The following GRAMD1B variants were observed in gnomAD, a reference collection of about 807,000 sequenced individuals.
GRAMD1B encodes the protein GRAM domain containing 1B.
A neutral mutation model predicts 99.7 loss-of-function variants in GRAMD1B; 37 were observed. The ratio of observed to expected loss-of-function variants is 0.37; its 90% CI spans 0.29 to 0.49. GRAMD1B has a LOEUF of 0.49. Among genes scored for constraint, GRAMD1B ranks in the 20% least tolerant of loss-of-function variants. The pLI, the probability that GRAMD1B is intolerant of heterozygous loss-of-function variation, is 0.98. For missense variants in GRAMD1B, 888 were observed against 1,009.2 expected (o/e 0.88, Z 1.63); for synonymous variants, 427 against 387.6 (o/e 1.10, Z -1.19).
intron 1 of GRAMD1B, among the ~76,000 whole-genome samples, chr11:123,479,162 C>T (rs1049394635): frequency 2.6e-5 from 4 of 152,178 alleles, no homozygotes; most frequent in African/African-American, 7.2e-5. Context: ...TGAGTTCTGC[C>T]GAGCAGCCGG....
chr11:123,385,752 T>C (rs1947033271), intron 1 of GRAMD1B, among the ~76,000 whole-genome samples: 1 of 152,208 alleles, frequency 6.6e-6, no homozygotes, highest in Non-Finnish European at 1.5e-5. Context: ...TCATAGATTG[T>C]TGTTTGTGGA....
At chr11:123,366,101 C>G (rs1056212969) in intron 1 of GRAMD1B, among the ~76,000 whole-genome samples, 3 of 152,192 alleles carry the variant, frequency 2.0e-5, no homozygotes, top group African/African-American at 7.2e-5. Flanking sequence ...TCTATTTGAA[C>G]TCAGTTGGCA....
rs190223712 is a variant in GRAMD1B, at chr11:123,560,624, T to C, written c.453-16743T>C. 7.2e-4 allele frequency: 354 copies of C among 488,544 alleles called. No homozygotes were observed. In the East Asian group the frequency reaches 0.021, roughly 29 times the overall value. The allele number at this position is 488,544 out of a possible 1,614,324, so 30.3% of individuals were successfully genotyped here. A position where few individuals can be genotyped will look rare whatever the true frequency, so the allele number is the denominator to read the frequency against. Reference sequence around the variant, plus strand: ...ATGAGTTCCTCTCTGCACTGCACTCTGCTACTGTTCCTACCTAATGGCTTC... The same window carrying C: ...ATGAGTTCCTCTCTGCACTGCACTCCGCTACTGTTCCTACCTAATGGCTTC... On this transcript the variant is annotated intron_variant, in intron 2 of 19. Transcript: ENST00000635736.
chr11:123,456,911 C>A lies in GRAMD1B; in HGVS notation c.375-23905C>A, dbSNP rs1467984468. On this transcript the variant is annotated intron_variant, in intron 1 of 19. Transcript: ENST00000635736. ...CTCCAGCCTGGGCGACAGAGGGAGA[C>A]TCTGTCTCAAAAAAAAAAAAAAAAA... 3.2e-5 allele frequency among the ~76,000 whole-genome samples: 4 copies of A among 123,578 alleles called. No homozygotes were observed. In the Admixed American group the frequency reaches 3.7e-4, roughly 11 times the overall value. The allele number at this position is 123,578 out of a possible 152,430, so 81.1% of individuals were successfully genotyped here.
At chr11:123,500,734 G>A (rs556442451) in intron 2 of GRAMD1B, among the ~76,000 whole-genome samples, 24 of 151,584 alleles carry the variant, frequency 1.6e-4, no homozygotes, top group South Asian at 4.2e-4. Flanking sequence ...GTGCAGTGGC[G>A]CGATCGCGGC....
intron 2 of GRAMD1B, among the ~76,000 whole-genome samples, chr11:123,511,620 G>A (rs944339966): frequency 1.3e-5 from 2 of 152,176 alleles, no homozygotes; most frequent in African/African-American, 4.8e-5. Context: ...GAATATCTCA[G>A]CCCTTCATTT....
chr11:123,369,619 C>A (rs1030157056), intron 1 of GRAMD1B, among the ~76,000 whole-genome samples: 1 of 152,018 alleles, frequency 6.6e-6, no homozygotes, highest in East Asian at 1.9e-4. Flanking sequence ...TGCCTGCCAT[C>A]CCAGCAATTT....
In GRAMD1B at chr11:123,625,762, G is replaced by A. The variant is rs975343675; in HGVS notation, c.*3167G>A. On this transcript the variant is annotated 3_prime_UTR_variant, in exon 20 of 20. Transcript: ENST00000635736. ...ACATCATCTTGGGGGTTAGGCCAGA[G>A]GCTGGGAAGACTGGGTGGACTTTCT... is the stretch of plus-strand genomic sequence containing the variant. 1.3e-5 allele frequency: 2 copies of A among 152,412 alleles called. No homozygotes were observed. The highest frequency in any genetic ancestry group is 4.8e-5 in the African/African-American group (2 of 41,452). 9.4% of individuals were successfully genotyped at this position (152,412 alleles called of 1,614,324 possible).
chr11:123,466,304 G>T (rs1361325811), intron 1 of GRAMD1B, among the ~76,000 whole-genome samples: 1 of 139,642 alleles, frequency 7.2e-6, no homozygotes, highest in Non-Finnish European at 1.5e-5. Flanking sequence ...GAAAGAAAGA[G>T]AGAGAGAGAA....
intron 2 of GRAMD1B, among the ~76,000 whole-genome samples, chr11:123,576,371 T>C (rs946035073): frequency 4.6e-5 from 7 of 152,282 alleles, no homozygotes; most frequent in African/African-American, 1.4e-4. Flanking sequence ...CACATTTCCT[T>C]TCCTTCCCAT....
In GRAMD1B at chr11:123,608,719, A is replaced by G. The variant is rs770386203; in HGVS notation, c.1574A>G (p.Asn525Ser). 2 of 1,558,810 alleles carry G rather than the reference A, an allele frequency of 1.3e-6. No individual in the cohort carries two copies. Among genetic ancestry groups the G allele is most frequent in the Non-Finnish European group, 8.7e-7 (1 of 1,150,484 alleles). The change falls in exon 12 of 20, where the codon AAC becomes AGC. Residue 525 changes from asparagine (N) to serine (S), a missense_variant. This residue lies in a region of GRAMD1B where 269 missense variants were observed against 296.6 expected (regional missense o/e 0.91). Coordinates refer to ENST00000635736, the MANE Select transcript of GRAMD1B (RefSeq NM_001387025.1). ...SGRQYVNEVF[N>S]FSVDKLYDLL... ...CGGCAGTACGTGAATGAAGTCTTCA[A>G]CTTCAGCGTGGACAAGCTCTATGAC...
chr11:123,560,571 C>T (rs1946627980), intron 2 of GRAMD1B: 4 of 697,726 alleles, frequency 5.7e-6, no homozygotes, highest in Middle Eastern at 3.4e-4. Flanking sequence ...TCCCCGCCCC[C>T]GCCCCCCACT....
At position 123,406,421 on chromosome 11, in the gene GRAMD1B, T is replaced by A. The variant is rs181563569; in HGVS notation, c.-176+47622T>A. Among the ~76,000 whole-genome samples the A allele has an allele frequency of 2.2e-3, 331 of 152,222 alleles. 1 individual carries two copies. The highest frequency in any genetic ancestry group is 7.8e-3 in the African/African-American group (324 of 41,546). On this transcript the variant is annotated intron_variant, in intron 1 of 20. Transcript: ENST00000638157. ...GGCATGTGCCACCACACCCAGCTAA[T>A]GTTGGTATTTTTAGTAGAGACGGGG... is the stretch of plus-strand genomic sequence containing the variant.
At chr11:123,391,708 G>A (rs1947287665) in intron 1 of GRAMD1B, among the ~76,000 whole-genome samples, 1 of 152,132 alleles carries the variant, frequency 6.6e-6, no homozygotes, top group Non-Finnish European at 1.5e-5. Flanking sequence ...CGCCCACCTT[G>A]GCCCCCCAAA....
chr11:123,557,977 C>T (rs1384281004), intron 2 of GRAMD1B, among the ~76,000 whole-genome samples: 5 of 99,938 alleles, frequency 5.0e-5, no homozygotes, highest in South Asian at 4.8e-4. Context: ...TTCAGTGCAA[C>T]TTTTTTTTTT....
chr11:123,494,757 C>A (rs1939027320), intron 2 of GRAMD1B, among the ~76,000 whole-genome samples: 1 of 152,062 alleles, frequency 6.6e-6, no homozygotes, highest in Non-Finnish European at 1.5e-5. Context: ...CCCCAGCTTC[C>A]CTACTTCCTG....
At chr11:123,476,304 T>C (rs1052561569) in intron 1 of GRAMD1B, among the ~76,000 whole-genome samples, 11 of 152,126 alleles carry the variant, frequency 7.2e-5, no homozygotes, top group African/African-American at 1.2e-4. Context: ...TTTCACCATG[T>C]TGGCCAGGCT....
intron 19 of GRAMD1B, among the ~76,000 whole-genome samples, chr11:123,620,671 G>A (rs1259686478): frequency 6.6e-6 from 1 of 152,150 alleles, no homozygotes; most frequent in Non-Finnish European, 1.5e-5. Context: ...AAACCCAGGA[G>A]AAGGGAACAC....
chr11:123,441,359 C>T (rs534775549), intron 1 of GRAMD1B, among the ~76,000 whole-genome samples: 6 of 152,208 alleles, frequency 3.9e-5, no homozygotes, highest in African/African-American at 1.2e-4. Context: ...GCATGCAGGC[C>T]GGGTGTGGTG....
Sources: allele counts gnomAD v4.1 joint callset (sites outside exome capture counted in the v4.1 genomes callset), GRCh38; gene constraint gnomAD v4.1.1; regional missense constraint gnomAD v4.1.1; transcripts MANE v1.5; gene names NCBI Gene and HGNC (gene_info 2026-07-23, HGNC 2026-07-21).